The following ATP8A2 variants were observed in gnomAD, a reference collection of about 807,000 sequenced individuals.
ATP8A2 encodes the protein phospholipid-transporting ATPase IB.
A neutral mutation model predicts 165.6 loss-of-function variants in ATP8A2; 100 were observed. The observed-to-expected ratio is 0.60, with a 90% confidence interval of 0.51 to 0.71. ATP8A2 has a LOEUF of 0.71. Among genes scored for constraint, ATP8A2 ranks in the 30% least tolerant of loss-of-function variants. The pLI is 0.00. For missense variants in ATP8A2, 1,227 were observed against 1,479.5 expected (o/e 0.83, Z 2.80); for synonymous variants, 543 against 548.8 (o/e 0.99, Z 0.15).
intron 33 of ATP8A2, 134 bp downstream of exon 33, chr13:25,862,542 C>A: frequency 3.0e-6 from 2 of 659,120 alleles, no homozygotes; most frequent in Non-Finnish European, 5.4e-6. Context: ...CTGCTTCCAT[C>A]AGAATCTATC....
chr13:25,734,299 G>A (rs1383073035), intron 25 of ATP8A2, among the ~76,000 whole-genome samples: 2 of 152,226 alleles, frequency 1.3e-5, no homozygotes, highest in Non-Finnish European at 2.9e-5. Context: ...GGGAGTAGGA[G>A]CTAGGCCATT....
intron 35 of ATP8A2, among the ~76,000 whole-genome samples, chr13:26,000,545 A>C (rs1956611789): frequency 6.6e-6 from 1 of 152,168 alleles, no homozygotes; most frequent in Non-Finnish European, 1.5e-5. Flanking sequence ...GCTTCTAAAA[A>C]GAGCCTTTTG....
chr13:25,862,623 G>A (rs1952392051), intron 33 of ATP8A2, among the ~76,000 whole-genome samples: 1 of 152,194 alleles, frequency 6.6e-6, no homozygotes, highest in Non-Finnish European at 1.5e-5. Context: ...GAAGTTTCAA[G>A]TATTATGAAA....
At chr13:25,988,769 C>T (rs921577127) in intron 35 of ATP8A2, among the ~76,000 whole-genome samples, 2 of 152,222 alleles carry the variant, frequency 1.3e-5, no homozygotes, top group African/African-American at 4.8e-5. Context: ...AAGTCCTCTG[C>T]CTGTCTCCAT....
chr13:25,982,368 G>T (rs536224945), intron 35 of ATP8A2, among the ~76,000 whole-genome samples: 2 of 152,324 alleles, frequency 1.3e-5, no homozygotes, highest in African/African-American at 4.8e-5. Context: ...ACATGACGCA[G>T]AAGATTGCAG....
At chr13:25,709,275 A>G (rs1267132963) in intron 25 of ATP8A2, among the ~76,000 whole-genome samples, 2 of 152,238 alleles carry the variant, frequency 1.3e-5, no homozygotes, top group East Asian at 1.9e-4. Flanking sequence ...ATTAAAGACC[A>G]AAGTAAATAC....
intron 27 of ATP8A2, among the ~76,000 whole-genome samples, chr13:25,822,559 T>G (rs536067065): frequency 6.6e-6 from 1 of 152,342 alleles, no homozygotes; most frequent in Admixed American, 6.5e-5. Context: ...CTTCCCCCTG[T>G]GATCACACTC....
chr13:25,412,365 T>A (rs568275182), intron 1 of ATP8A2, among the ~76,000 whole-genome samples: 1 of 152,274 alleles, frequency 6.6e-6, no homozygotes, highest in Non-Finnish European at 1.5e-5. Flanking sequence ...GCCACCATAT[T>A]TGGGGACTGG....
intron 30 of ATP8A2, 139 bp from the exon 31 acceptor site, chr13:25,860,056 C>A: frequency 1.9e-6 from 1 of 533,008 alleles, no homozygotes; most frequent in Non-Finnish European, 3.4e-6. Context: ...GAGAAGTAAG[C>A]ATTAGAGTCA....
Position 25,568,621 on chromosome 13 carries a change from G to A in ATP8A2, c.1474-2146G>A, listed in dbSNP as rs114376168. On this transcript the variant is annotated intron_variant, in intron 16 of 36. Transcript: ENST00000381655. Reference sequence around the variant, plus strand: ...GGGGATAGAGAGAAGAGAGAATGGAGAGTTATTGTTTAATGGGTATAGAGT... The same window carrying A: ...GGGGATAGAGAGAAGAGAGAATGGAAAGTTATTGTTTAATGGGTATAGAGT... Among the ~76,000 whole-genome samples the A allele has an allele frequency of 5.6e-3, 854 of 152,270 alleles. 6 individuals are homozygous for A. The highest frequency in any genetic ancestry group is 0.019 in the African/African-American group (779 of 41,558).
chr13:25,675,377 G>A (rs1048797015), intron 24 of ATP8A2, among the ~76,000 whole-genome samples: 7 of 152,266 alleles, frequency 4.6e-5, no homozygotes, highest in African/African-American at 1.2e-4. Flanking sequence ...ACACATTTAC[G>A]CCGTCAAAAT....
chr13:25,523,850 T>C (rs1472982875), intron 2 of ATP8A2, among the ~76,000 whole-genome samples: 1 of 152,126 alleles, frequency 6.6e-6, no homozygotes, highest in African/African-American at 2.4e-5. Flanking sequence ...TTTTTTAGTC[T>C]CAATTTTATT....
At chr13:25,421,389 C>A (rs1437572130) in intron 1 of ATP8A2, among the ~76,000 whole-genome samples, 2 of 152,142 alleles carry the variant, frequency 1.3e-5, no homozygotes, top group Admixed American at 6.5e-5. Context: ...GGCTCAAGTG[C>A]AGTGGCATGA....
chr13:25,470,387 A>G (rs2035809553), intron 2 of ATP8A2, among the ~76,000 whole-genome samples: 1 of 152,220 alleles, frequency 6.6e-6, no homozygotes, highest in African/African-American at 2.4e-5. Context: ...GTGAGTTACC[A>G]CTTCACAAAC....
At chr13:25,443,348 A>G (rs1233042489) in intron 1 of ATP8A2, among the ~76,000 whole-genome samples, 1 of 152,210 alleles carries the variant, frequency 6.6e-6, no homozygotes, top group Non-Finnish European at 1.5e-5. Context: ...AGATATGGTG[A>G]AGGGTAAACG....
chr13:25,961,531 G>T, intron 33 of ATP8A2, 44 bp from the exon 34 acceptor site: 1 of 1,443,984 alleles, frequency 6.9e-7, no homozygotes, highest in South Asian at 1.2e-5. Flanking sequence ...CTCTGTTTTT[G>T]AAAGAGAAAG....
At chr13:25,391,259 C>T (rs953592879) in intron 1 of ATP8A2, among the ~76,000 whole-genome samples, 2 of 152,042 alleles carry the variant, frequency 1.3e-5, no homozygotes, top group African/African-American at 2.4e-5. Flanking sequence ...CAAGCCTTAT[C>T]TCCTCCTTCA....
chr13:25,539,160 A>G (rs2038388936), intron 7 of ATP8A2, among the ~76,000 whole-genome samples: 1 of 151,228 alleles, frequency 6.6e-6, no homozygotes, highest in African/African-American at 2.4e-5. Flanking sequence ...GCAGTGGCTC[A>G]ATCATAGCTC....
chr13:25,553,809 T>C lies in ATP8A2; in HGVS notation c.1074T>C (p.Asn358=), dbSNP rs754501740. 4 of 1,613,156 alleles carry C rather than the reference T, an allele frequency of 2.5e-6. No individual in the cohort carries two copies. Among genetic ancestry groups the C allele is most frequent in the Non-Finnish European group, 3.4e-6 (4 of 1,179,708 alleles). Residue 358 remains asparagine, a synonymous_variant, in exon 12 of 37, where the codon AAT becomes AAC. Coordinates refer to ENST00000381655, the MANE Select transcript of ATP8A2 (RefSeq NM_016529.6). ...CTTCCACAGACACCACCTCAGATAA[T>C]TTTGGATACAACCTACTGACGTTCA... is the stretch of plus-strand genomic sequence containing the variant. ...YIKKMDTTSD[N]FGYNLLTFII... is the part of the protein sequence containing the mutation.
Sources: gnomAD v4.1 joint callset for allele counts (sites outside exome capture counted in the v4.1 genomes callset) on GRCh38, gnomAD v4.1.1 for gene constraint, MANE v1.5 for transcripts, NCBI Gene and HGNC (gene_info 2026-07-23, HGNC 2026-07-21) for gene names.